Variants in RASA3 observed in about 807,000 individuals in gnomAD.
RASA3 encodes the protein ras GTPase-activating protein 3.
A neutral mutation model predicts 110.0 loss-of-function variants in RASA3; 73 were observed. The observed-to-expected ratio is 0.66, with a 90% CI of 0.55 to 0.81. The LOEUF is 0.81. Ranked by LOEUF, RASA3 falls within the 30% of genes least tolerant of loss-of-function variation. The probability of loss-of-function intolerance (pLI) is 0.00; values close to 1 mark genes in which losing one functional copy is unlikely to be tolerated. For missense variants in RASA3, 976 were observed against 1,113.2 expected (o/e 0.88, Z 1.75); for synonymous variants, 500 against 451.4 (o/e 1.11, Z -1.37).
intron 1 of RASA3, among the ~76,000 whole-genome samples, chr13:114,101,007 G>A (rs943666896): frequency 2.0e-5 from 3 of 152,238 alleles, no homozygotes; most frequent in Admixed American, 1.3e-4. Flanking sequence ...GTGAGGGGGT[G>A]AGCGTCAGCC....
chr13:114,020,444 G>C (rs575176878), intron 9 of RASA3, among the ~76,000 whole-genome samples: 1 of 152,334 alleles, frequency 6.6e-6, no homozygotes, highest in Admixed American at 6.5e-5. Context: ...CTCAGCTCAG[G>C]GGGCCTGTGC....
chr13:114,050,697 A>G (rs991569586), intron 3 of RASA3, among the ~76,000 whole-genome samples: 1 of 152,242 alleles, frequency 6.6e-6, no homozygotes, highest in East Asian at 1.9e-4. Flanking sequence ...GGCCCGGGAC[A>G]TGGCAGAGTG....
chr13:114,120,636 C>T (rs2080364573), intron 1 of RASA3, among the ~76,000 whole-genome samples: 2 of 152,204 alleles, frequency 1.3e-5, no homozygotes, highest in Admixed American at 1.3e-4. Context: ...GCATCAATGC[C>T]GTTCAAGGGG....
rs570849426 is a variant in RASA3, at chr13:114,053,646, A to G, written c.174-1491T>C. Among the ~76,000 whole-genome samples the G allele has an allele frequency of 5.9e-5, 9 of 152,364 alleles. No homozygotes were observed. The East Asian group carries it at 1.7e-3, about 29-fold the overall frequency. ...AGCTCAGACCCCGCACCCATCTGTA[A>G]GGGTGTAAGGGTTGGAGCTACTAGC... is the stretch of plus-strand genomic sequence containing the variant. On this transcript the variant is annotated intron_variant, in intron 2 of 23. Transcript: ENST00000334062.
chr13:114,023,747 C>A (rs1594341061), intron 8 of RASA3, among the ~76,000 whole-genome samples: 2 of 152,208 alleles, frequency 1.3e-5, no homozygotes, highest in African/African-American at 2.4e-5. Flanking sequence ...GGTGGGGGCT[C>A]CATGGGCAAA....
At chr13:114,121,226 G>C (rs941302572) in intron 1 of RASA3, among the ~76,000 whole-genome samples, 1 of 152,216 alleles carries the variant, frequency 6.6e-6, no homozygotes, top group Non-Finnish European at 1.5e-5. Flanking sequence ...GGCCACCCGC[G>C]GGGCATTCGG....
Position 114,027,924 on chromosome 13 carries a change from G to C in RASA3, c.453C>G (p.Ile151Met), listed in dbSNP as rs758360339. ...GVVCHKLATR[I>M]VECQGLPIVN... ...CGATGGGGAGGCCCTGGCACTCGAC[G>C]ATGCTGAGGAGAGAAGCAGAGGCGG... The change falls in exon 6 of 24, where the codon ATC becomes ATG. Residue 151 changes from isoleucine to methionine, a missense_variant. Coordinates refer to ENST00000334062, the MANE Select transcript of RASA3 (RefSeq NM_007368.4). 3 of 1,611,910 alleles carry C rather than the reference G, an allele frequency of 1.9e-6. No homozygotes were observed. The highest frequency in any genetic ancestry group is 1.7e-5 in the Admixed American group (1 of 59,992).
chr13:114,109,094 A>G (rs777830397), intron 1 of RASA3, among the ~76,000 whole-genome samples: 28 of 152,096 alleles, frequency 1.8e-4, no homozygotes, highest in Admixed American at 1.2e-3. Flanking sequence ...TTTCTCCCCA[A>G]CTGGATTCCT....
At chr13:114,117,725 T>TGTGAGGAGAGCAC (rs2080309804) in intron 1 of RASA3, among the ~76,000 whole-genome samples, 2 of 59,770 alleles carry the variant, frequency 3.3e-5, no homozygotes, top group Non-Finnish European at 7.5e-5. Flanking sequence ...GAGGGATGCA[T>TGTGAGGAGAGCAC]GTGTGTGAGG....
At chr13:114,051,916 C>A in intron 3 of RASA3, 136 bp downstream of exon 3, 1 of 622,442 alleles carries the variant, frequency 1.6e-6, no homozygotes, top group Non-Finnish European at 2.8e-6. Flanking sequence ...TCAGGAGGAA[C>A]ACCCAGGGCT....
intron 1 of RASA3, among the ~76,000 whole-genome samples, chr13:114,093,665 C>T (rs1203660935): frequency 2.6e-5 from 4 of 152,052 alleles, no homozygotes; most frequent in Admixed American, 6.6e-5. Flanking sequence ...TTCTCAATTC[C>T]CTTTTTAACT....
intron 2 of RASA3, among the ~76,000 whole-genome samples, chr13:114,062,449 C>T (rs917778325): frequency 4.6e-5 from 7 of 152,134 alleles, no homozygotes; most frequent in African/African-American, 9.7e-5. Flanking sequence ...TGGCCACAGC[C>T]GCCACGGAAA....
Position 114,112,354 on chromosome 13 carries a change from A to C in RASA3, c.55+20081T>G, listed in dbSNP as rs1006555218. Among the ~76,000 whole-genome samples the C allele has an allele frequency of 6.6e-6, 1 of 152,192 alleles. No individual in the cohort carries two copies. The highest frequency in any genetic ancestry group is 2.4e-5 in the African/African-American group (1 of 41,452). On this transcript the variant is annotated intron_variant, in intron 1 of 23. Transcript: ENST00000334062. This position sits in a 1 kb window ranked among gnomAD's most constrained non-coding sequence, Gnocchi z 4.8. The stretch of plus-strand genomic sequence containing the variant: ...GGCCGGGTGGAGGATTTCTACCACG[A>C]GAAAGTCAGGGCCCTCCCCGAAGGA...
intron 3 of RASA3, among the ~76,000 whole-genome samples, chr13:114,046,310 T>C (rs753628227): frequency 2.0e-5 from 3 of 152,032 alleles, no homozygotes; most frequent in Non-Finnish European, 4.4e-5. Flanking sequence ...GAGAATGAGG[T>C]GGTGGTGGAA....
chr13:114,010,435 C>A (rs1382290644), intron 16 of RASA3, among the ~76,000 whole-genome samples: 1 of 151,958 alleles, frequency 6.6e-6, no homozygotes, highest in Non-Finnish European at 1.5e-5. Flanking sequence ...AACGTCAGCT[C>A]TGACCCCCTC....
At chr13:114,023,475 G>C (rs1435969866) in intron 8 of RASA3, among the ~76,000 whole-genome samples, 1 of 152,206 alleles carries the variant, frequency 6.6e-6, no homozygotes, top group Non-Finnish European at 1.5e-5. Flanking sequence ...CCTCTTCATA[G>C]GGAATGGAGG....
chr13:114,128,765 G>A (rs1378104546), intron 1 of RASA3, among the ~76,000 whole-genome samples: 1 of 152,222 alleles, frequency 6.6e-6, no homozygotes, highest in African/African-American at 2.4e-5. Flanking sequence ...GAGCCCAGAG[G>A]AGAAAGAAGG....
rs139054999 is a variant in RASA3 at position 114,019,022 on chromosome 13, G to A, written c.786-103C>T. On this transcript the variant is annotated intron_variant, in intron 9 of 23. Coordinates refer to ENST00000334062, the MANE Select transcript of RASA3 (RefSeq NM_007368.4). Reference sequence around the variant, plus strand: ...CTGCTTGAGGTCGACTGGTCAGGAGGGTGATCCTGTAGGACCCCTCAGAGT... The same window carrying A: ...CTGCTTGAGGTCGACTGGTCAGGAGAGTGATCCTGTAGGACCCCTCAGAGT... 1.7e-4 allele frequency: 244 copies of A among 1,439,548 alleles called. No individual in the cohort carries two copies. The East Asian group carries it at 3.3e-3, about 19-fold the overall frequency. The allele number at this position is 1,439,548 out of a possible 1,614,324, so 89.2% of individuals were successfully genotyped here.
At chr13:114,013,924 G>GTC (rs371885066) in intron 14 of RASA3, among the ~76,000 whole-genome samples, 53,021 of 90,412 alleles carry the variant, frequency 0.59, 14,278 homozygotes, top group Middle Eastern at 0.73. Flanking sequence ...CTCTCTCTCC[G>GTC]TCTCTCTCTC....
Sources: allele counts gnomAD v4.1 joint callset (sites outside exome capture counted in the v4.1 genomes callset), GRCh38; gene constraint gnomAD v4.1.1; non-coding constraint Gnocchi (gnomAD v3.1); transcripts MANE v1.5; gene names NCBI Gene and HGNC (gene_info 2026-07-23, HGNC 2026-07-21).